Variants in UBE2C observed in about 807,000 individuals in gnomAD.
UBE2C encodes ubiquitin conjugating enzyme E2 C, also known as ubiquitin-conjugating enzyme E2 C.
In UBE2C, 16 loss-of-function variants were observed where a neutral mutation model predicts 23.5. The ratio of observed to expected loss-of-function variants is 0.68; its 90% CI spans 0.46 to 1.03. The LOEUF (loss-of-function observed/expected upper bound fraction) is 1.03. Ranked by LOEUF, UBE2C falls within the 50% of genes least tolerant of loss-of-function variation. The pLI is 0.00. For missense variants in UBE2C, 192 were observed against 227.6 expected (o/e 0.84, Z 1.01); for synonymous variants, 76 against 91.6 (o/e 0.83, Z 0.97).
chr20:45,814,833 C>CTTT lies in UBE2C; in HGVS notation c.216+377_216+379dup, dbSNP rs1363100171. 3.3e-3 allele frequency among the ~76,000 whole-genome samples: 469 copies of CTTT among 141,318 alleles called. 4 individuals carry two copies. The highest frequency in any genetic ancestry group is 0.011 in the African/African-American group (426 of 38,194). 92.7% of individuals were successfully genotyped at this position (141,318 alleles called of 152,430 possible). On this transcript the variant is annotated intron_variant, in intron 3 of 5. Transcript: ENST00000356455. ...TTTTTACGTATTAGCAACTAATATT[C>CTTT]TTTTTTTTTTTTTTTTGAGACGGAG...
intron 3 of UBE2C, 168 bp from the exon 4 acceptor site, chr20:45,815,373 A>G (rs774074252): frequency 1.3e-6 from 2 of 1,577,578 alleles, no homozygotes; most frequent in South Asian, 1.2e-5. Context: ...ACTAAACTAA[A>G]AAAACTTTTT....
In UBE2C at chr20:45,815,691, T is replaced by A; in HGVS notation, c.367T>A (p.Ser123Thr). 6.2e-7 allele frequency: 1 copy of A among 1,614,132 alleles called. No homozygotes were observed. ...CCTGGACATCCTGAAGGAAAAGTGG[T>A]CTGCCCTGTATGATGTCAGGACCAT... ...ICLDILKEKWSALYDVRTILL... is the reference protein window; with the variant it reads ...ICLDILKEKWTALYDVRTILL... The change falls in exon 4 of 6, where the codon TCT (serine) becomes ACT (threonine). Residue 123 changes from serine (S) to threonine (T), a missense_variant. Ser to Thr is a moderately conservative substitution (Grantham distance 58). Coordinates refer to ENST00000356455, the MANE Select transcript of UBE2C (RefSeq NM_007019.4).
In UBE2C at chr20:45,815,648, C is replaced by T. The variant is rs1347045656; in HGVS notation, c.324C>T (p.Asp108=). ...FLTPCYHPNV[D]TQGNICLDIL... ...CGCCCTGCTATCACCCCAACGTGGA[C>T]ACCCAGGGTAACATATGCCTGGACA... The change falls in exon 4 of 6, where the codon GAC becomes GAT. Residue 108 remains aspartate, a synonymous_variant. Transcript: ENST00000356455. 2 of 1,614,186 alleles carry T rather than the reference C, an allele frequency of 1.2e-6. No individual in the cohort carries two copies. The highest frequency in any genetic ancestry group is 1.7e-6 in the Non-Finnish European group (2 of 1,180,032).
rs1284299842 is a variant in UBE2C, at chr20:45,812,652, A to G, written c.-44A>G. 2.6e-6 allele frequency: 4 copies of G among 1,546,820 alleles called. No individual in the cohort carries two copies. The highest frequency in any genetic ancestry group is 1.4e-5 in the African/African-American group (1 of 72,972). ...GGCGGGCCCGCAGTCCTGCAGTTGC[A>G]GTCGTGTTCTCCGAGTTCCTGTCTC... On this transcript the variant is annotated 5_prime_UTR_variant, in exon 1 of 6. Transcript: ENST00000356455.
rs947731541 is a variant in UBE2C, at chr20:45,816,710, T to G, written c.483T>G (p.Ala161=). 1 of 1,613,526 alleles carries G rather than the reference T, an allele frequency of 6.2e-7. No homozygotes were observed. Among genetic ancestry groups the G allele is most frequent in the African/African-American group, 1.3e-5 (1 of 74,904 alleles). The change falls in exon 6 of 6, where the codon GCT becomes GCG. Residue 161 remains alanine (A), a splice_region_variant and synonymous_variant. Coordinates refer to ENST00000356455, the MANE Select transcript of UBE2C (RefSeq NM_007019.4). ...TGAGACCTGCCTGTTCTCTTCCAGC[T>G]TTTAAGAAGTACCTGCAAGAAACCT... The part of the protein sequence containing the change: ...HAAELWKNPT[A]FKKYLQETYS...
intron 2 of UBE2C, among the ~76,000 whole-genome samples, chr20:45,814,021 T>C (rs1415324531): frequency 6.6e-6 from 1 of 151,726 alleles, no homozygotes. Flanking sequence ...ACAAGAATCA[T>C]TTGAACCGTG....
chr20:45,814,008 G>A (rs1982191312), intron 2 of UBE2C, among the ~76,000 whole-genome samples: 1 of 151,838 alleles, frequency 6.6e-6, no homozygotes, highest in African/African-American at 2.4e-5. Context: ...GGGAGGCTGA[G>A]GCACAAGAAT....
chr20:45,815,660 C>CAT lies in UBE2C; in HGVS notation c.339_340dup (p.Cys114TyrfsTer6). 4 of 1,614,170 alleles carry CAT rather than the reference C, an allele frequency of 2.5e-6. No individual in the cohort carries two copies. The highest frequency in any genetic ancestry group is 3.4e-6 in the Non-Finnish European group (4 of 1,180,034). ...ACCCCAACGTGGACACCCAGGGTAA[C>CAT]ATATGCCTGGACATCCTGAAGGAAA... On this transcript the variant is annotated frameshift_variant, in exon 4 of 6. Transcript: ENST00000356455. LOFTEE classifies it high-confidence loss of function.
intron 5 of UBE2C, 118 bp downstream of exon 5, chr20:45,816,031 C>A: frequency 1.0e-6 from 1 of 991,470 alleles, no homozygotes; most frequent in Non-Finnish European, 1.5e-6. Flanking sequence ...GGAGTGTCGG[C>A]AGCAACCCAC....
intron 1 of UBE2C, chr20:45,813,167 G>A (rs1982087161): frequency 1.8e-5 from 26 of 1,409,852 alleles, no homozygotes; most frequent in East Asian, 2.6e-5. Flanking sequence ...CAGGGGAAGG[G>A]AGAAGTTGAG....
chr20:45,812,967 C>T, intron 1 of UBE2C, 171 bp downstream of exon 1: 2 of 1,431,294 alleles, frequency 1.4e-6, no homozygotes, highest in South Asian at 3.0e-5. Flanking sequence ...GCATGGGTGT[C>T]GAGGGCGGAG....
intron 2 of UBE2C, among the ~76,000 whole-genome samples, chr20:45,813,995 C>T (rs1175467124): frequency 6.6e-6 from 1 of 151,732 alleles, no homozygotes; most frequent in Non-Finnish European, 1.5e-5. Flanking sequence ...ATTTCAGCTA[C>T]TCGGGAGGCT....
In UBE2C at chr20:45,814,534, G is replaced by A. The variant is rs1462309559; in HGVS notation, c.216+64G>A. 19 of 1,356,182 alleles carry A rather than the reference G, an allele frequency of 1.4e-5. 1 individual carries two copies. Among genetic ancestry groups the A allele is most frequent in the Middle Eastern group, 1.9e-4 (1 of 5,336 alleles). 84.0% of individuals were successfully genotyped at this position (1,356,182 alleles called of 1,614,324 possible). On this transcript the variant is annotated intron_variant, in intron 3 of 5. Coordinates refer to ENST00000356455, the MANE Select transcript of UBE2C (RefSeq NM_007019.4). Reference sequence around the variant, plus strand: ...AAGGTGGGAAGTGAGATCCAAGTGCGAGCTCTGCTTCAAGCCTTTGGCGGA... The same window carrying A: ...AAGGTGGGAAGTGAGATCCAAGTGCAAGCTCTGCTTCAAGCCTTTGGCGGA...
intron 3 of UBE2C, among the ~76,000 whole-genome samples, 180 bp downstream of exon 3, chr20:45,814,650 G>A (rs1211364133): frequency 2.6e-5 from 4 of 152,152 alleles, no homozygotes; most frequent in African/African-American, 9.7e-5. Flanking sequence ...TTTAAAGCAG[G>A]GCTGCCTATC....
Position 45,814,442 on chromosome 20 carries a change from T to C in UBE2C, c.188T>C (p.Val63Ala). The C allele has an allele frequency of 6.2e-7, 1 of 1,610,272 alleles. No individual in the cohort carries two copies. Among genetic ancestry groups the C allele is most frequent in the African/African-American group, 1.3e-5 (1 of 74,600 alleles). ...FPESDNLFKW[V>A]GTIHGAAGTV... ...GAATCAGACAACCTTTTCAAATGGG[T>C]AGGGACCATCCATGGAGCAGCTGGA... The change falls in exon 3 of 6, where the codon GTA (valine) becomes GCA (alanine). Residue 63 changes from valine to alanine, a missense_variant. Val to Ala is a moderately conservative substitution (Grantham distance 64). Coordinates refer to ENST00000356455, the MANE Select transcript of UBE2C (RefSeq NM_007019.4).
intron 1 of UBE2C, 121 bp downstream of exon 1, chr20:45,812,917 G>A: frequency 6.9e-7 from 1 of 1,443,534 alleles, no homozygotes; most frequent in Non-Finnish European, 9.1e-7. Context: ...TGCGGGTGCA[G>A]GAGAACACAC....
intron 1 of UBE2C, chr20:45,813,113 G>A (rs1324241418): frequency 2.1e-6 from 3 of 1,396,682 alleles, no homozygotes; most frequent in Non-Finnish European, 1.9e-6. Context: ...TTCCCTGGTG[G>A]GCCTAGATGA....
In UBE2C at chr20:45,815,904, A is replaced by ATG. The variant is rs1416887556; in HGVS notation, c.472_473insTG (p.Asn158MetfsTer40). 6.2e-7 allele frequency: 1 copy of ATG among 1,613,640 alleles called. No homozygotes were observed. Among genetic ancestry groups the ATG allele is most frequent in the East Asian group, 2.2e-5 (1 of 44,870 alleles). On this transcript the variant is annotated frameshift_variant, in exon 5 of 6. Coordinates refer to ENST00000356455, the MANE Select transcript of UBE2C (RefSeq NM_007019.4). LOFTEE classifies it high-confidence loss of function. ...CACACATGCTGCCGAGCTCTGGAAA[A>ATG]ACCCCACAGGTGAGTCCTCAGTCCT...
intron 2 of UBE2C, among the ~76,000 whole-genome samples, chr20:45,814,140 C>CTATA (rs1982217700): frequency 1.4e-5 from 2 of 145,962 alleles, no homozygotes; most frequent in African/African-American, 5.4e-5. Context: ...CTCTCTCTCT[C>CTATA]TCTCTCTATA....
Sources: gnomAD v4.1 joint callset for allele counts (sites outside exome capture counted in the v4.1 genomes callset) on GRCh38, gnomAD v4.1.1 for gene constraint, MANE v1.5 for transcripts, NCBI Gene and HGNC (gene_info 2026-07-23, HGNC 2026-07-21) for gene names.